Variants in UGT1A6 observed in about 807,000 individuals in gnomAD.
UGT1A6 encodes the protein UDP-glucuronosyltransferase 1A6.
In UGT1A6, 32 loss-of-function variants were observed where a neutral mutation model predicts 44.4. That is an observed-to-expected ratio of 0.72 (90% CI 0.54 to 0.97). The LOEUF is 0.97. UGT1A6 is among the 50% of genes least tolerant of loss of function. The pLI is 0.00. For missense variants in UGT1A6, 685 were observed against 661.9 expected (o/e 1.03, Z -0.38); for synonymous variants, 238 against 248.5 (o/e 0.96, Z 0.40).
intron 1 of UGT1A6, chr2:233,743,807 T>G (rs760730105): frequency 2.2e-6 from 3 of 1,367,334 alleles, no homozygotes; most frequent in East Asian, 4.6e-5. Context: ...CTCCTTGTTC[T>G]CAGGGTTTTT....
At chr2:233,710,997 T>C (rs1288211350) in intron 1 of UGT1A6, among the ~76,000 whole-genome samples, 1 of 152,218 alleles carries the variant, frequency 6.6e-6, no homozygotes, top group Non-Finnish European at 1.5e-5. Context: ...ATCAGGCTAT[T>C]GGATGCCTTT....
At chr2:233,722,255 G>A (rs549830880) in intron 1 of UGT1A6, among the ~76,000 whole-genome samples, 90 of 152,216 alleles carry the variant, frequency 5.9e-4, no homozygotes, top group African/African-American at 2.1e-3. Flanking sequence ...TGACAGACAC[G>A]CCATTATCAT....
rs181904192 is a variant in UGT1A6, at chr2:233,720,907, C to T, written c.861+27042C>T. On this transcript the variant is annotated intron_variant, in intron 1 of 4. Coordinates refer to ENST00000305139, the MANE Select transcript of UGT1A6 (RefSeq NM_001072.4). ...TTTTTTTTTAGTAGAGATGAGGTTT[C>T]GCAATGTTAGCCAGGCTGGTCTTGA... 7.9e-3 allele frequency among the ~76,000 whole-genome samples: 1,118 copies of T among 140,910 alleles called. 9 individuals carry two copies. Among genetic ancestry groups the T allele is most frequent in the Admixed American group, 0.016 (217 of 13,846 alleles). 92.4% of individuals were successfully genotyped at this position (140,910 alleles called of 152,430 possible).
rs762751427 is a variant in UGT1A6 at position 233,729,397 on chromosome 2, C to G, written c.861+35532C>G. ...TTCGTGGACCCAGGATGAATTTGAT[C>G]GCCATGTGCTGGGCCACACTCAACT... On this transcript the variant is annotated intron_variant, in intron 1 of 4. Coordinates refer to ENST00000305139, the MANE Select transcript of UGT1A6 (RefSeq NM_001072.4). 2 of 1,613,656 alleles carry G rather than the reference C, an allele frequency of 1.2e-6. No homozygotes were observed. Among genetic ancestry groups the G allele is most frequent in the Non-Finnish European group, 8.5e-7 (1 of 1,179,714 alleles).
chr2:233,717,741 G>A (rs1450778461), intron 1 of UGT1A6: 3 of 456,402 alleles, frequency 6.6e-6, no homozygotes, highest in African/African-American at 6.0e-5. Flanking sequence ...TGAGTGCTCA[G>A]GGTCTCCCCC....
chr2:233,691,808 T>A, upstream of UGT1A6: 1 of 201,832 alleles, frequency 5.0e-6, no homozygotes, highest in Non-Finnish European at 8.8e-6. Flanking sequence ...TCTCAAATCT[T>A]AATTTCCTAA....
At chr2:233,742,757 A>G (rs968540830) in intron 1 of UGT1A6, 1 of 153,060 alleles carries the variant, frequency 6.5e-6, no homozygotes, top group African/African-American at 2.4e-5. Flanking sequence ...AAATATTAAG[A>G]TAATAAATGC....
At chr2:233,718,768 T>C in intron 1 of UGT1A6, 2 of 1,612,770 alleles carry the variant, frequency 1.2e-6, no homozygotes, top group Non-Finnish European at 1.7e-6. Flanking sequence ...AGGAAACAAA[T>C]GTAGCAGGCA....
At chr2:233,770,826 A>G (rs1269125180) in intron 4 of UGT1A6, 5 of 152,196 alleles carry the variant, frequency 3.3e-5, no homozygotes, top group Admixed American at 3.3e-4. Context: ...CTGTTCTTGC[A>G]TTGCTGTAAA....
intron 1 of UGT1A6, among the ~76,000 whole-genome samples, chr2:233,736,062 G>C (rs1463600658): frequency 6.6e-6 from 1 of 152,174 alleles, no homozygotes; most frequent in South Asian, 2.1e-4. Context: ...GGCCTGCCTT[G>C]CTAGGTTTGG....
chr2:233,754,383 A>G (rs1695465574), intron 1 of UGT1A6: 2 of 292,680 alleles, frequency 6.8e-6, no homozygotes, highest in South Asian at 6.9e-5. Flanking sequence ...AAAGACAAAC[A>G]GAGGTCCTAT....
intron 1 of UGT1A6, among the ~76,000 whole-genome samples, chr2:233,714,807 A>G (rs1400219342): frequency 6.6e-6 from 1 of 152,236 alleles, no homozygotes; most frequent in Non-Finnish European, 1.5e-5. Context: ...CAATATTCAT[A>G]TGTAGTTAGT....
chr2:233,755,761 T>G (rs1381641183), intron 1 of UGT1A6: 4 of 152,946 alleles, frequency 2.6e-5, no homozygotes, highest in African/African-American at 9.6e-5. Context: ...CATTTGCTTT[T>G]GTTCATCTGG....
chr2:233,728,302 T>C (rs2077696881), intron 1 of UGT1A6, among the ~76,000 whole-genome samples: 1 of 152,178 alleles, frequency 6.6e-6, no homozygotes, highest in Non-Finnish European at 1.5e-5. Context: ...ATTCAGACTG[T>C]GCAAGATCTG....
intron 1 of UGT1A6, among the ~76,000 whole-genome samples, chr2:233,764,949 G>A (rs1698700873): frequency 6.6e-6 from 1 of 152,108 alleles, no homozygotes. Context: ...GGCGGGGAGA[G>A]AGGGCTCACC....
rs769331263 is a variant in UGT1A6 at position 233,772,705 on chromosome 2, C to A, written c.*146C>A. 6.8e-7 allele frequency: 1 copy of A among 1,474,690 alleles called. No homozygotes were observed. The highest frequency in any genetic ancestry group is 2.5e-5 in the East Asian group (1 of 40,596). The allele number at this position is 1,474,690 out of a possible 1,614,324, so 91.4% of individuals were successfully genotyped here. On this transcript the variant is annotated 3_prime_UTR_variant, in exon 5 of 5. Coordinates refer to ENST00000305139, the MANE Select transcript of UGT1A6 (RefSeq NM_001072.4). Reference sequence around the variant, plus strand: ...CAGCCCCAGAGTGCTTTAAAAAATTCTCTTAAATAAAAATAATAGACTCGC... The same window carrying A: ...CAGCCCCAGAGTGCTTTAAAAAATTATCTTAAATAAAAATAATAGACTCGC...
chr2:233,737,911 GGC>G (rs1690629306), intron 1 of UGT1A6, among the ~76,000 whole-genome samples: 4 of 152,098 alleles, frequency 2.6e-5, no homozygotes, highest in African/African-American at 4.8e-5. Flanking sequence ...GTAAAGAACA[GGC>G]TAGTGTATTT....
chr2:233,704,010 C>A (rs945281801), intron 1 of UGT1A6, among the ~76,000 whole-genome samples: 1 of 152,084 alleles, frequency 6.6e-6, no homozygotes, highest in Non-Finnish European at 1.5e-5. Flanking sequence ...CCCACCTCAG[C>A]CGCCCGAGCA....
chr2:233,716,357 T>C (rs1330128112), intron 1 of UGT1A6, among the ~76,000 whole-genome samples: 1 of 152,220 alleles, frequency 6.6e-6, no homozygotes, highest in Non-Finnish European at 1.5e-5. Context: ...ATGTAGATAC[T>C]TTGTGGGGCT....
Sources: allele counts gnomAD v4.1 joint callset (sites outside exome capture counted in the v4.1 genomes callset), GRCh38; gene constraint gnomAD v4.1.1; transcripts MANE v1.5; gene names NCBI Gene and HGNC (gene_info 2026-07-23, HGNC 2026-07-21).